SH3RF3: variants seen among roughly 807,000 people sequenced by gnomAD.
SH3RF3 encodes E3 ubiquitin-protein ligase SH3RF3.
SH3RF3 carries 29 observed loss-of-function variants against 66.3 expected under a neutral mutation model. The ratio of observed to expected loss-of-function variants is 0.44; its 90% CI spans 0.33 to 0.60. The LOEUF is 0.60. SH3RF3 is among the 20% of genes least tolerant of loss of function. The pLI is 0.04. For missense variants in SH3RF3, 1,194 were observed against 1,190.9 expected (o/e 1.00, Z -0.04); for synonymous variants, 583 against 532.0 (o/e 1.10, Z -1.32).
chr2:109,449,520 C>A (rs370726635), intron 8 of SH3RF3, 31 bp downstream of exon 8: 8 of 1,604,688 alleles, frequency 5.0e-6, no homozygotes, highest in Non-Finnish European at 6.8e-6. Context: ...GAGCCCTGGG[C>A]TCGAGGCCAG....
chr2:109,371,808 C>A (rs1443129538), intron 3 of SH3RF3, 127 bp downstream of exon 3: 3 of 775,270 alleles, frequency 3.9e-6, no homozygotes, highest in Non-Finnish European at 6.5e-6. Flanking sequence ...TAGCCTCTGG[C>A]CAGAGAGCTG....
intron 2 of SH3RF3, among the ~76,000 whole-genome samples, chr2:109,353,196 A>G (rs1441896672): frequency 6.6e-6 from 1 of 152,138 alleles, no homozygotes; most frequent in Non-Finnish European, 1.5e-5. Context: ...GGCCTGATCC[A>G]CTTCTGGCCC....
chr2:109,404,234 C>A (rs1000931279), intron 4 of SH3RF3, among the ~76,000 whole-genome samples: 7 of 152,188 alleles, frequency 4.6e-5, no homozygotes, highest in Admixed American at 4.6e-4. Context: ...GAAATATCCA[C>A]TGTCAAGCTC....
chr2:109,154,328 G>A (rs1677288626), intron 1 of SH3RF3, among the ~76,000 whole-genome samples: 1 of 152,146 alleles, frequency 6.6e-6, no homozygotes, highest in African/African-American at 2.4e-5. Flanking sequence ...TAGGTGATTG[G>A]GGTTATCATG....
At chr2:109,208,623 A>T (rs904211351) in intron 1 of SH3RF3, among the ~76,000 whole-genome samples, 8 of 152,192 alleles carry the variant, frequency 5.3e-5, no homozygotes, top group Admixed American at 3.9e-4. Flanking sequence ...CAGTCATTTG[A>T]CTTTACTGTT....
At chr2:109,326,388 A>T (rs568617716) in intron 1 of SH3RF3, among the ~76,000 whole-genome samples, 1 of 152,150 alleles carries the variant, frequency 6.6e-6, no homozygotes, top group Non-Finnish European at 1.5e-5. Flanking sequence ...GTAGAAGTAC[A>T]TCCTTACCCT....
chr2:109,315,804 A>G (rs941578944), intron 1 of SH3RF3, among the ~76,000 whole-genome samples: 20 of 152,068 alleles, frequency 1.3e-4, no homozygotes, highest in Non-Finnish European at 2.8e-4. Flanking sequence ...TGTGGAAGGG[A>G]CGTCGTCGCT....
intron 1 of SH3RF3, among the ~76,000 whole-genome samples, chr2:109,275,509 T>C (rs1013751817): frequency 6.6e-6 from 1 of 152,326 alleles, no homozygotes; most frequent in Middle Eastern, 3.4e-3. Flanking sequence ...TTGTAGATTG[T>C]TCCCGATGAC....
intron 1 of SH3RF3, among the ~76,000 whole-genome samples, chr2:109,200,528 G>T (rs1023122883): frequency 2.0e-5 from 3 of 152,088 alleles, no homozygotes; most frequent in African/African-American, 7.2e-5. Flanking sequence ...ACTCTGCCCT[G>T]TGTGCAGAGC....
rs1359523593 is a variant in SH3RF3 at position 109,129,900 on chromosome 2, C to T, written c.360C>T (p.Gly120=). 14 of 1,509,868 alleles carry T rather than the reference C, an allele frequency of 9.3e-6. No homozygotes were observed. In the African/African-American group the frequency reaches 1.3e-4, roughly 14 times the overall value. 93.5% of individuals were successfully genotyped at this position (1,509,868 alleles called of 1,614,324 possible). A position where few individuals can be genotyped will look rare whatever the true frequency, so the allele number is the denominator to read the frequency against. ...ANILLVRLLD[G]IRQRPRAGTS... ...TCTTGCTGGTGCGACTGCTGGACGG[C>T]ATCCGTCAGCGGCCCCGCGCGGGCA... Residue 120 remains glycine, a synonymous_variant, in exon 1 of 10, where the codon GGC becomes GGT. Transcript: ENST00000309415.
chr2:109,451,989 C>T (rs183028110), intron 8 of SH3RF3, among the ~76,000 whole-genome samples: 75 of 152,322 alleles, frequency 4.9e-4, no homozygotes, highest in Non-Finnish European at 4.3e-4. Flanking sequence ...AAGCACATTG[C>T]CCTCCCACAC....
chr2:109,161,835 C>A (rs1452191290), intron 1 of SH3RF3, among the ~76,000 whole-genome samples: 2 of 151,940 alleles, frequency 1.3e-5, no homozygotes, highest in African/African-American at 4.8e-5. Context: ...TACCTCCCAT[C>A]GGGCCCCGTC....
At chr2:109,494,971 C>T (rs1352444036) in intron 9 of SH3RF3, among the ~76,000 whole-genome samples, 2 of 151,874 alleles carry the variant, frequency 1.3e-5, no homozygotes, top group African/African-American at 2.4e-5. Context: ...AATCTGGGGC[C>T]GGGTCAGCGA....
At chr2:109,134,582 C>T (rs1676776145) in intron 1 of SH3RF3, among the ~76,000 whole-genome samples, 1 of 152,182 alleles carries the variant, frequency 6.6e-6, no homozygotes, top group Non-Finnish European at 1.5e-5. Flanking sequence ...TCATCTGGTC[C>T]TTACTGCAAC....
At chr2:109,301,011 G>C (rs558840299) in intron 1 of SH3RF3, among the ~76,000 whole-genome samples, 10 of 152,212 alleles carry the variant, frequency 6.6e-5, no homozygotes, top group Admixed American at 1.3e-4. Flanking sequence ...TCTGCAGAGG[G>C]GCAGGGTGTC....
At chr2:109,344,979 T>A (rs1682651475) in intron 1 of SH3RF3, among the ~76,000 whole-genome samples, 1 of 152,200 alleles carries the variant, frequency 6.6e-6, no homozygotes, top group Admixed American at 6.5e-5. Context: ...GGGGTCTGCA[T>A]CAGTGAAGGG....
intron 1 of SH3RF3, among the ~76,000 whole-genome samples, chr2:109,167,451 A>G (rs1381336420): frequency 6.6e-6 from 1 of 152,214 alleles, no homozygotes; most frequent in African/African-American, 2.4e-5. Flanking sequence ...ATTGGTAGAA[A>G]TAACCCCCAG....
Position 109,371,669 on chromosome 2 carries a change from C to T in SH3RF3, c.933C>T (p.Leu311=), listed in dbSNP as rs1280132657. 1.2e-5 allele frequency: 19 copies of T among 1,613,670 alleles called. No homozygotes were observed. The highest frequency in any genetic ancestry group is 1.6e-5 in the Non-Finnish European group (19 of 1,179,812). ...GAGACAAGATCGGGATCTTCCCGCT[C>T]CTGTACGTGGAGGTAAGACCGTGCC... ...MLGDKIGIFP[L]LYVELNDSAK... is the part of the protein sequence containing the mutation. The change falls in exon 3 of 10, where the codon CTC becomes CTT. Residue 311 remains leucine (L), a synonymous_variant. Coordinates refer to ENST00000309415, the MANE Select transcript of SH3RF3 (RefSeq NM_001099289.3).
chr2:109,143,567 T>C lies in SH3RF3; in HGVS notation c.573+13454T>C, dbSNP rs565935812. On this transcript the variant is annotated intron_variant, in intron 1 of 9. Transcript: ENST00000309415. Reference sequence around the variant, plus strand: ...AGACCAGCCTGGGCAACATAGCAAGTCCCCATCTCTACAAAAAATAAAAAA... The same window carrying C: ...AGACCAGCCTGGGCAACATAGCAAGCCCCCATCTCTACAAAAAATAAAAAA... 2.0e-5 allele frequency among the ~76,000 whole-genome samples: 3 copies of C among 151,474 alleles called. No individual in the cohort carries two copies. The East Asian group carries it at 5.8e-4, about 29-fold the overall frequency.
Sources: gnomAD v4.1 joint callset for allele counts (sites outside exome capture counted in the v4.1 genomes callset) on GRCh38, gnomAD v4.1.1 for gene constraint, MANE v1.5 for transcripts, NCBI Gene and HGNC (gene_info 2026-07-23, HGNC 2026-07-21) for gene names.